The following AMBRA1 variants were observed in gnomAD, a reference collection of about 807,000 sequenced individuals.
AMBRA1 encodes activating molecule in BECN1-regulated autophagy protein 1.
AMBRA1 carries 47 observed loss-of-function variants against 125.4 expected under a neutral mutation model. That is an observed-to-expected ratio of 0.37 (90% CI 0.30 to 0.48). The LOEUF (loss-of-function observed/expected upper bound fraction) is 0.48, where lower values mean the gene tolerates loss of function less well. Among genes scored for constraint, AMBRA1 ranks in the 20% least tolerant of loss-of-function variants. The probability of loss-of-function intolerance (pLI) is 0.99; values close to 1 mark genes in which losing one functional copy is unlikely to be tolerated. For synonymous variants in AMBRA1, 626 were observed against 655.5 expected (o/e 0.95, Z 0.69); for missense variants, 1,331 against 1,693.4 (o/e 0.79, Z 3.76).
intron 11 of AMBRA1, among the ~76,000 whole-genome samples, chr11:46,473,811 C>T (rs1026199203): frequency 6.6e-4 from 100 of 152,312 alleles, no homozygotes; most frequent in African/African-American, 2.3e-3. Context: ...CCACCACGCC[C>T]GGCTAACTTT....
chr11:46,575,456 TA>T lies in AMBRA1; in HGVS notation c.-121+18371del, dbSNP rs772887807. ...TGGGCAACAAGAGCAAAACTCTGTC[TA>T]AAAAAAAAAAAAACTAGGTAGCTTA... is the stretch of plus-strand genomic sequence containing the variant. On this transcript the variant is annotated intron_variant, in intron 1 of 17. Transcript: ENST00000683756. 9.4e-3 allele frequency among the ~76,000 whole-genome samples: 1,117 copies of T among 118,902 alleles called. 15 individuals carry two copies. The highest frequency in any genetic ancestry group is 0.07 in the South Asian group (260 of 3,710). The allele number at this position is 118,902 out of a possible 152,430, so 78.0% of individuals were successfully genotyped here.
At chr11:46,514,841 A>T (rs569324760) in intron 7 of AMBRA1, among the ~76,000 whole-genome samples, 1 of 152,220 alleles carries the variant, frequency 6.6e-6, no homozygotes, top group East Asian at 1.9e-4. Context: ...GAGTCTTTTA[A>T]AATACAGAAT....
chr11:46,480,662 G>C (rs1565203418), intron 11 of AMBRA1, among the ~76,000 whole-genome samples: 3 of 152,064 alleles, frequency 2.0e-5, no homozygotes, highest in Non-Finnish European at 4.4e-5. Context: ...AGAGATTATT[G>C]CTGAAGTTTA....
In AMBRA1 at chr11:46,583,677, A is replaced by AC. The variant is rs1313711058; in HGVS notation, c.-121+10150_-121+10151insG. Among the ~76,000 whole-genome samples, 133 of 143,902 alleles carry AC rather than the reference A, an allele frequency of 9.2e-4. 4 individuals carry two copies. The highest frequency in any genetic ancestry group is 1.7e-3 in the Non-Finnish European group (112 of 66,224). 94.4% of individuals were successfully genotyped at this position (143,902 alleles called of 152,430 possible). On this transcript the variant is annotated intron_variant, in intron 1 of 17. Transcript: ENST00000683756. Reference sequence around the variant, plus strand: ...CAAAAAAAAAAAAAAAAAAAAAAAAAAACAACAAAACAACCCCATCAAAAA... The same window carrying AC: ...CAAAAAAAAAAAAAAAAAAAAAAAAACAACAACAAAACAACCCCATCAAAAA...
intron 11 of AMBRA1, among the ~76,000 whole-genome samples, chr11:46,459,313 A>C (rs1948992185): frequency 6.6e-6 from 1 of 152,244 alleles, no homozygotes. Context: ...GGGTTGGAAG[A>C]GTGGGAAGAG....
At chr11:46,500,219 A>G (rs1950784296) in intron 9 of AMBRA1, among the ~76,000 whole-genome samples, 1 of 152,222 alleles carries the variant, frequency 6.6e-6, no homozygotes, top group Non-Finnish European at 1.5e-5. Flanking sequence ...TCTAAGAAGC[A>G]GTGATTGCTA....
At chr11:46,411,464 C>A (rs1040136103) in intron 15 of AMBRA1, among the ~76,000 whole-genome samples, 1 of 152,220 alleles carries the variant, frequency 6.6e-6, no homozygotes, top group Non-Finnish European at 1.5e-5. Context: ...AGGCACTGAG[C>A]CTCCAAATCT....
intron 12 of AMBRA1, among the ~76,000 whole-genome samples, chr11:46,435,533 T>G (rs945857516): frequency 6.6e-6 from 1 of 152,254 alleles, no homozygotes; most frequent in Non-Finnish European, 1.5e-5. Context: ...GTATCTTACT[T>G]TCTCATTTAA....
intron 4 of AMBRA1, among the ~76,000 whole-genome samples, chr11:46,546,547 C>T (rs762854837): frequency 6.6e-6 from 1 of 150,502 alleles, no homozygotes; most frequent in East Asian, 1.9e-4. Flanking sequence ...TATGTCACAA[C>T]GGGCTGAAGG....
intron 14 of AMBRA1, among the ~76,000 whole-genome samples, chr11:46,424,889 C>A (rs1947041721): frequency 6.6e-6 from 1 of 152,140 alleles, no homozygotes; most frequent in Non-Finnish European, 1.5e-5. Flanking sequence ...GTAATCCCAG[C>A]ACTTTGGGAG....
intron 1 of AMBRA1, among the ~76,000 whole-genome samples, chr11:46,573,699 G>T (rs2043851336): frequency 6.7e-6 from 1 of 148,276 alleles, no homozygotes; most frequent in Non-Finnish European, 1.5e-5. Context: ...AAGTTTTAGG[G>T]TACATGTGCA....
At chr11:46,407,112 G>T (rs1446554825) in intron 17 of AMBRA1, among the ~76,000 whole-genome samples, 1 of 152,178 alleles carries the variant, frequency 6.6e-6, no homozygotes, top group Non-Finnish European at 1.5e-5. Flanking sequence ...TCGGGAAGCG[G>T]TGGTTGCAGT....
chr11:46,449,558 C>G (rs1441575690), intron 11 of AMBRA1, among the ~76,000 whole-genome samples: 1 of 152,194 alleles, frequency 6.6e-6, no homozygotes, highest in African/African-American at 2.4e-5. Context: ...ATTCCATGTT[C>G]ATGAATAGGA....
chr11:46,428,969 T>A, intron 14 of AMBRA1: 2 of 1,612,412 alleles, frequency 1.2e-6, no homozygotes, highest in Non-Finnish European at 8.5e-7. Context: ...CCAGGCAAAC[T>A]GTTCCTTCAC....
chr11:46,411,530 A>G (rs1946298217), intron 15 of AMBRA1, among the ~76,000 whole-genome samples: 1 of 152,282 alleles, frequency 6.6e-6, no homozygotes, highest in Non-Finnish European at 1.5e-5. Flanking sequence ...GTGCAGTGGC[A>G]TGATCTCAGC....
In AMBRA1 at chr11:46,503,566, G is replaced by T. The variant is rs115472122; in HGVS notation, c.2339+4625C>A. ...AAAATGGTGCCAACTGCTCAATGTC[G>T]GGTTGCCACAAACCTTCAATTTGTG... On this transcript the variant is annotated intron_variant, in intron 9 of 17. Transcript: ENST00000683756. Among the ~76,000 whole-genome samples, 1,276 of 152,106 alleles carry T rather than the reference G, an allele frequency of 8.4e-3. 9 individuals carry two copies. The highest frequency in any genetic ancestry group is 0.03 in the African/African-American group (1,232 of 41,476).
chr11:46,551,219 G>A (rs945306112), intron 1 of AMBRA1, among the ~76,000 whole-genome samples: 2 of 151,868 alleles, frequency 1.3e-5, no homozygotes, highest in Non-Finnish European at 2.9e-5. Context: ...ATGGTAACAC[G>A]CTGGGGACTG....
chr11:46,397,480 T>C lies in AMBRA1; in HGVS notation c.3867A>G (p.Ala1289=). ...TGTTCCGTGGTTCTCCCCTAGGGCC[T>C]GCAGCGTCCCCCCTGCTGCTGCCAC... ...LDGGSSRGDA[A]GPRGEPRNR The change falls in exon 18 of 18, where the codon GCA becomes GCG. Residue 1289 remains alanine, a synonymous_variant. Transcript: ENST00000683756. The C allele has an allele frequency of 1.3e-6, 2 of 1,520,480 alleles. No homozygotes were observed. Among genetic ancestry groups the C allele is most frequent in the Non-Finnish European group, 1.8e-6 (2 of 1,133,264 alleles). 94.2% of individuals were successfully genotyped at this position (1,520,480 alleles called of 1,614,324 possible). A position where few individuals can be genotyped will look rare whatever the true frequency, so the allele number is the denominator to read the frequency against.
rs536985197 is a variant in AMBRA1 at position 46,432,407 on chromosome 11, C to T, written c.2976+1067G>A. Among the ~76,000 whole-genome samples, 4 of 152,246 alleles carry T rather than the reference C, an allele frequency of 2.6e-5. No individual in the cohort carries two copies. In the East Asian group the frequency reaches 7.7e-4, roughly 29 times the overall value. On this transcript the variant is annotated intron_variant, in intron 14 of 17. Coordinates refer to ENST00000683756, the MANE Select transcript of AMBRA1 (RefSeq NM_001387011.1). ...CAAATTCAAGAAGCTTGAAAAGTGG[C>T]TCAGTGTAGTTGGACAGAGGATATC...
Sources: allele counts gnomAD v4.1 joint callset (sites outside exome capture counted in the v4.1 genomes callset), GRCh38; gene constraint gnomAD v4.1.1; transcripts MANE v1.5; gene names NCBI Gene and HGNC (gene_info 2026-07-23, HGNC 2026-07-21).